ZNF713: variants seen among roughly 807,000 people sequenced by gnomAD.
The protein encoded by ZNF713 is zinc finger protein 713.
A neutral mutation model predicts 28.7 loss-of-function variants in ZNF713; 21 were observed. That is an observed-to-expected ratio of 0.73 (90% CI 0.52 to 1.05). ZNF713 has a LOEUF of 1.05. Among genes scored for constraint, ZNF713 ranks in the 50% least tolerant of loss-of-function variants. The probability of loss-of-function intolerance (pLI) is 0.00; values close to 1 mark genes in which losing one functional copy is unlikely to be tolerated. For missense variants in ZNF713, 458 were observed against 532.4 expected (o/e 0.86, Z 1.37); for synonymous variants, 167 against 178.0 (o/e 0.94, Z 0.49).
intron 4 of ZNF713, among the ~76,000 whole-genome samples, chr7:55,921,286 C>T (rs963661770): frequency 2.6e-5 from 4 of 152,170 alleles, no homozygotes; most frequent in South Asian, 2.1e-4. Context: ...ATGCTGTTTT[C>T]GTGCCCACTA....
chr7:55,904,830 A>G (rs1785649457), intron 1 of ZNF713, among the ~76,000 whole-genome samples: 1 of 152,046 alleles, frequency 6.6e-6, no homozygotes, highest in Admixed American at 6.6e-5. Context: ...CGGCTCAAGC[A>G]TTTCTTGTGC....
At chr7:55,894,023 G>GT (rs1785432494) in intron 1 of ZNF713, among the ~76,000 whole-genome samples, 1 of 152,202 alleles carries the variant, frequency 6.6e-6, no homozygotes, top group Non-Finnish European at 1.5e-5. Flanking sequence ...TTAATTTGCA[G>GT]TATCATTTTC....
intron 1 of ZNF713, among the ~76,000 whole-genome samples, chr7:55,892,674 A>G (rs1023701700): frequency 6.6e-6 from 1 of 151,314 alleles, no homozygotes; most frequent in African/African-American, 2.4e-5. Flanking sequence ...GGAGTTTGAG[A>G]CCAGCCTGAC....
intron 4 of ZNF713, among the ~76,000 whole-genome samples, chr7:55,914,428 C>T (rs775541240): frequency 8.5e-5 from 13 of 152,166 alleles, no homozygotes; most frequent in Non-Finnish European, 1.8e-4. Context: ...CTCCTGGGCT[C>T]AAGCCATCCT....
At chr7:55,913,375 G>A (rs1785823072) in intron 4 of ZNF713, among the ~76,000 whole-genome samples, 1 of 150,396 alleles carries the variant, frequency 6.6e-6, no homozygotes, top group Non-Finnish European at 1.5e-5. Context: ...CCAATTTTTT[G>A]TATTTTTAGT....
intron 6 of ZNF713, among the ~76,000 whole-genome samples, chr7:55,934,407 A>G (rs1786303240): frequency 6.6e-6 from 1 of 152,176 alleles, no homozygotes; most frequent in Admixed American, 6.5e-5. Flanking sequence ...ATTAAAATGG[A>G]TGAGGTACCA....
At chr7:55,887,872 GGCGGCGGCGGCGGCGGGCGGCGGC>G (rs1562731869) in intron 1 of ZNF713, among the ~76,000 whole-genome samples, 192 bp downstream of exon 1, 153 of 4,858 alleles carry the variant, frequency 0.031, 28 homozygotes, top group African/African-American at 0.1. Context: ...GGGCGGCGGC[GGCGGCGGCGGCGGCGGGCGGCGGC>G]GGCGGCGGGA....
At chr7:55,912,556 A>G in intron 3 of ZNF713, 79 bp from the exon 4 acceptor site, 1 of 1,010,238 alleles carries the variant, frequency 9.9e-7, no homozygotes, top group East Asian at 2.6e-5. Context: ...TGTCTGCCAT[A>G]CCTACACAAA....
intron 6 of ZNF713, among the ~76,000 whole-genome samples, chr7:55,937,732 G>C (rs376379466): frequency 6.6e-6 from 1 of 151,404 alleles, no homozygotes; most frequent in Non-Finnish European, 1.5e-5. Flanking sequence ...GTGAGACCCC[G>C]TCTCTAAAAA....
chr7:55,899,669 C>G (rs1785538279), intron 1 of ZNF713, among the ~76,000 whole-genome samples: 1 of 151,708 alleles, frequency 6.6e-6, no homozygotes, highest in Admixed American at 6.6e-5. Flanking sequence ...GAGACTCCAT[C>G]TCAAAAAAAT....
intron 1 of ZNF713, among the ~76,000 whole-genome samples, chr7:55,901,082 A>G (rs889416334): frequency 2.0e-5 from 3 of 152,218 alleles, no homozygotes; most frequent in East Asian, 1.9e-4. Context: ...CTATTCCACA[A>G]TGTGTATTAG....
chr7:55,927,896 CAAAAAAAAAA>C (rs71533249), intron 6 of ZNF713, among the ~76,000 whole-genome samples: 5 of 44,940 alleles, frequency 1.1e-4, no homozygotes, highest in East Asian at 9.3e-4. Flanking sequence ...GACTCTGTCT[CAAAAAAAAAA>C]AAAAAAAAAA....
intron 6 of ZNF713, among the ~76,000 whole-genome samples, chr7:55,933,829 C>T (rs1786291605): frequency 6.6e-6 from 1 of 152,122 alleles, no homozygotes; most frequent in Non-Finnish European, 1.5e-5. Flanking sequence ...CTCATCCTCT[C>T]CAGTAACTGG....
chr7:55,896,126 G>A (rs933230329), intron 1 of ZNF713, among the ~76,000 whole-genome samples: 2 of 152,148 alleles, frequency 1.3e-5, no homozygotes, highest in African/African-American at 2.4e-5. Flanking sequence ...GCTCAGAAAG[G>A]ACGAGCAGTG....
At chr7:55,918,508 G>A (rs796845585) in intron 4 of ZNF713, among the ~76,000 whole-genome samples, 14 of 152,262 alleles carry the variant, frequency 9.2e-5, no homozygotes, top group African/African-American at 3.1e-4. Context: ...CTAAACCACA[G>A]GGCACTGACT....
intron 1 of ZNF713, among the ~76,000 whole-genome samples, chr7:55,894,984 A>G (rs534822303): frequency 1.4e-4 from 21 of 152,346 alleles, no homozygotes; most frequent in African/African-American, 2.9e-4. Context: ...TAAGGTAACT[A>G]GTTATCTCCA....
intron 4 of ZNF713, among the ~76,000 whole-genome samples, chr7:55,914,912 T>G (rs533236517): frequency 9.8e-5 from 15 of 152,360 alleles, no homozygotes; most frequent in African/African-American, 3.6e-4. Flanking sequence ...TGGAGTGCAG[T>G]GGCACAATCT....
chr7:55,898,701 A>G (rs1431738833), intron 1 of ZNF713, among the ~76,000 whole-genome samples: 1 of 152,258 alleles, frequency 6.6e-6, no homozygotes, highest in Non-Finnish European at 1.5e-5. Flanking sequence ...TATCCAAAAT[A>G]TATAAGGAAC....
At chr7:55,893,084 C>T (rs1194112135) in intron 1 of ZNF713, among the ~76,000 whole-genome samples, 1 of 151,774 alleles carries the variant, frequency 6.6e-6, no homozygotes, top group African/African-American at 2.4e-5. Flanking sequence ...GGGGTTTCAC[C>T]GTGTTAGCCA....
Sources: gnomAD v4.1 joint callset for allele counts (sites outside exome capture counted in the v4.1 genomes callset) on GRCh38, gnomAD v4.1.1 for gene constraint, MANE v1.5 for transcripts, NCBI Gene and HGNC (gene_info 2026-07-23, HGNC 2026-07-21) for gene names.